MAP2: variants seen among roughly 807,000 people sequenced by gnomAD.
MAP2 encodes the protein microtubule-associated protein 2.
In MAP2, 14 loss-of-function variants were observed where a neutral mutation model predicts 137.6. The observed-to-expected ratio is 0.10, with a 90% CI of 0.07 to 0.16. MAP2 has a LOEUF of 0.16. Among genes scored for constraint, MAP2 ranks in the 10% least tolerant of loss-of-function variants. The probability of loss-of-function intolerance (pLI) is 1.00; values close to 1 mark genes in which losing one functional copy is unlikely to be tolerated. For missense variants in MAP2, 2,088 were observed against 2,191.5 expected (o/e 0.95, Z 0.94); for synonymous variants, 786 against 782.3 (o/e 1.00, Z -0.08).
chr2:209,470,102 T>C (rs531830931), intron 1 of MAP2, among the ~76,000 whole-genome samples: 1 of 152,306 alleles, frequency 6.6e-6, no homozygotes, highest in South Asian at 2.1e-4. Context: ...CAGAACTTAG[T>C]CATCCATATT....
chr2:209,484,311 A>G (rs2058093319), intron 1 of MAP2, among the ~76,000 whole-genome samples: 1 of 151,692 alleles, frequency 6.6e-6, no homozygotes, highest in Admixed American at 6.6e-5. Flanking sequence ...GAAGTCAAAG[A>G]AAATGTATTT....
Position 209,730,709 on chromosome 2 carries a change from G to T in MAP2, c.*312G>T. On this transcript the variant is annotated 3_prime_UTR_variant, in exon 16 of 16. Transcript: ENST00000682079. ...ATTTTTACCTTTCATGTGCCTGAAGGCTATCCACTACATTCTGAAGGCCTT... is the reference window on the plus strand; with the variant it reads ...ATTTTTACCTTTCATGTGCCTGAAGTCTATCCACTACATTCTGAAGGCCTT... The T allele has an allele frequency of 3.5e-6, 1 of 283,402 alleles. No homozygotes were observed. The highest frequency in any genetic ancestry group is 6.8e-6 in the Non-Finnish European group (1 of 146,974). The allele number at this position is 283,402 out of a possible 1,614,324, so 17.6% of individuals were successfully genotyped here. A position where few individuals can be genotyped will look rare whatever the true frequency, so the allele number is the denominator to read the frequency against.
chr2:209,707,236 A>T (rs2063722336), intron 12 of MAP2, among the ~76,000 whole-genome samples: 1 of 152,194 alleles, frequency 6.6e-6, no homozygotes. Context: ...GAATTGATTC[A>T]TTAAATGTTC....
At chr2:209,531,193 A>G (rs934060827) in intron 2 of MAP2, among the ~76,000 whole-genome samples, 2 of 152,202 alleles carry the variant, frequency 1.3e-5, no homozygotes, top group Non-Finnish European at 2.9e-5. Flanking sequence ...GAAAAAAGAA[A>G]GAGAAAAAGA....
At chr2:209,498,438 G>C (rs1470191422) in intron 1 of MAP2, among the ~76,000 whole-genome samples, 2 of 152,178 alleles carry the variant, frequency 1.3e-5, no homozygotes, top group African/African-American at 4.8e-5. Context: ...TCTGGAGGGT[G>C]GTGACCCCCT....
intron 4 of MAP2, among the ~76,000 whole-genome samples, chr2:209,634,212 C>T (rs964230598): frequency 2.0e-5 from 3 of 152,140 alleles, no homozygotes; most frequent in African/African-American, 7.2e-5. Context: ...AAACTGGGGA[C>T]AGTGACTTAA....
At chr2:209,521,118 TA>T (rs552782006) in intron 2 of MAP2, among the ~76,000 whole-genome samples, 170 of 152,196 alleles carry the variant, frequency 1.1e-3, no homozygotes, top group Non-Finnish European at 2.1e-3. Flanking sequence ...CCAGTATGTG[TA>T]AAATGACTCT....
intron 1 of MAP2, among the ~76,000 whole-genome samples, chr2:209,500,390 T>C (rs2060230997): frequency 6.6e-6 from 1 of 152,178 alleles, no homozygotes; most frequent in Admixed American, 6.5e-5. Flanking sequence ...TTGATTCTTC[T>C]GTTACTTTGT....
chr2:209,631,135 T>A (rs2093003590), intron 4 of MAP2, among the ~76,000 whole-genome samples: 2 of 151,322 alleles, frequency 1.3e-5, no homozygotes, highest in Non-Finnish European at 2.9e-5. Context: ...GGTGCAAAGT[T>A]AGCATTCAGC....
chr2:209,554,019 G>C (rs2069872157), intron 2 of MAP2, among the ~76,000 whole-genome samples: 1 of 152,162 alleles, frequency 6.6e-6, no homozygotes, highest in African/African-American at 2.4e-5. Context: ...GCTGGGTCCA[G>C]CATATACACC....
intron 2 of MAP2, among the ~76,000 whole-genome samples, chr2:209,539,029 T>G (rs1291291453): frequency 6.6e-6 from 1 of 152,184 alleles, no homozygotes. Context: ...ATACACATCT[T>G]TTCTGTGTGA....
intron 3 of MAP2, among the ~76,000 whole-genome samples, chr2:209,620,039 A>G (rs1231170633): frequency 6.6e-6 from 1 of 152,140 alleles, no homozygotes; most frequent in East Asian, 1.9e-4. Flanking sequence ...GGATGTACCT[A>G]GAGAGCTCTG....
At chr2:209,434,066 A>G (rs61083039) in intron 1 of MAP2, among the ~76,000 whole-genome samples, 1,841 of 152,210 alleles carry the variant, frequency 0.012, 44 homozygotes, top group African/African-American at 0.04. Flanking sequence ...ACAATTTGGT[A>G]AATGAGCGGA....
chr2:209,617,340 G>A (rs1456342556), intron 3 of MAP2, among the ~76,000 whole-genome samples: 1 of 152,104 alleles, frequency 6.6e-6, no homozygotes, highest in Admixed American at 6.6e-5. Flanking sequence ...TTACCAAGAG[G>A]CATCAAGTGT....
In MAP2 at chr2:209,595,624, T is replaced by C. The variant is rs548642169; in HGVS notation, c.-107+15524T>C. Among the ~76,000 whole-genome samples the C allele has an allele frequency of 7.2e-5, 11 of 152,320 alleles. No individual in the cohort carries two copies. In the South Asian group the frequency reaches 1.9e-3, roughly 26 times the overall value. On this transcript the variant is annotated intron_variant, in intron 3 of 15. Coordinates refer to ENST00000682079, the MANE Select transcript of MAP2 (RefSeq NM_001375505.1). ...CATTACTGGGTATATACCCAAAGCATTATAAATCATGCTACTATAAAGACA... is the reference window on the plus strand; with the variant it reads ...CATTACTGGGTATATACCCAAAGCACTATAAATCATGCTACTATAAAGACA...
At chr2:209,523,810 G>A (rs1275330923) in intron 2 of MAP2, among the ~76,000 whole-genome samples, 1 of 152,084 alleles carries the variant, frequency 6.6e-6, no homozygotes, top group Non-Finnish European at 1.5e-5. Context: ...TAAGTGCTTA[G>A]TGTTGTTTAT....
Position 209,502,235 on chromosome 2 carries a change from T to G in MAP2, c.-221-5357T>G, listed in dbSNP as rs560764150. On this transcript the variant is annotated intron_variant, in intron 1 of 15. Coordinates refer to ENST00000682079, the MANE Select transcript of MAP2 (RefSeq NM_001375505.1). ...TAATTGTGACCTTATATCTTTTGGCTAACATGTCCTCATTTCGCCAACCTC... is the reference window on the plus strand; with the variant it reads ...TAATTGTGACCTTATATCTTTTGGCGAACATGTCCTCATTTCGCCAACCTC... Among the ~76,000 whole-genome samples the G allele has an allele frequency of 1.5e-3, 236 of 152,296 alleles. 1 individual carries two copies. The highest frequency in any genetic ancestry group is 2.6e-3 in the Non-Finnish European group (174 of 68,022).
At chr2:209,455,994 C>A (rs1284572982) in intron 1 of MAP2, among the ~76,000 whole-genome samples, 1 of 152,144 alleles carries the variant, frequency 6.6e-6, no homozygotes, top group Non-Finnish European at 1.5e-5. Context: ...GGTCAATGTA[C>A]CCCAGTTTTA....
intron 1 of MAP2, among the ~76,000 whole-genome samples, chr2:209,490,343 C>T (rs564193047): frequency 3.3e-5 from 5 of 151,984 alleles, no homozygotes; most frequent in East Asian, 3.9e-4. Context: ...TAAAGACCAT[C>T]GACACTATGA....
Sources: allele counts gnomAD v4.1 joint callset (sites outside exome capture counted in the v4.1 genomes callset), GRCh38; gene constraint gnomAD v4.1.1; transcripts MANE v1.5; gene names NCBI Gene and HGNC (gene_info 2026-07-23, HGNC 2026-07-21).